MGAT4A: variants seen among roughly 807,000 people sequenced by gnomAD.
The protein encoded by MGAT4A is alpha-1,3-mannosyl-glycoprotein 4-beta-N-acetylglucosaminyltransferase A, also known as N-acetylglucosaminyltransferase IVa.
MGAT4A carries 33 observed loss-of-function variants against 74.1 expected under a neutral mutation model. The ratio of observed to expected loss-of-function variants is 0.45; its 90% CI spans 0.34 to 0.60. The LOEUF is 0.60. Ranked by LOEUF, MGAT4A falls within the 20% of genes least tolerant of loss-of-function variation. The probability of loss-of-function intolerance (pLI) is 0.02; values close to 1 mark genes in which losing one functional copy is unlikely to be tolerated. For synonymous variants in MGAT4A, 198 were observed against 210.4 expected (o/e 0.94, Z 0.51); for missense variants, 479 against 628.3 (o/e 0.76, Z 2.54).
At chr2:98,704,311 C>T (rs1385889855) in intron 2 of MGAT4A, among the ~76,000 whole-genome samples, 4 of 152,194 alleles carry the variant, frequency 2.6e-5, no homozygotes, top group African/African-American at 9.7e-5. Context: ...CTTTGGGAGG[C>T]CAAGGCAGGT....
At chr2:98,707,331 T>C (rs1186204208) in intron 2 of MGAT4A, among the ~76,000 whole-genome samples, 3 of 152,212 alleles carry the variant, frequency 2.0e-5, no homozygotes, top group African/African-American at 7.2e-5. Flanking sequence ...CATGCAGGCA[T>C]GGCCTCTGCC....
chr2:98,654,850 A>T (rs1305248408), intron 8 of MGAT4A, among the ~76,000 whole-genome samples: 3 of 151,894 alleles, frequency 2.0e-5, no homozygotes, highest in Admixed American at 6.6e-5. Context: ...AAATAGTCTT[A>T]AAAAAAAGGG....
Position 98,619,611 on chromosome 2 carries a change from C to G in MGAT4A, c.*5955G>C, listed in dbSNP as rs900684924. The G allele has an allele frequency of 3.3e-5, 5 of 152,346 alleles. No individual in the cohort carries two copies. Among genetic ancestry groups the G allele is most frequent in the African/African-American group, 1.2e-4 (5 of 41,584 alleles). The allele number at this position is 152,346 out of a possible 1,614,324, so 9.4% of individuals were successfully genotyped here. Reference sequence around the variant, plus strand: ...AAATGAAAAGTATCAAATCTACTGGCAGTGCATCTTACAGTACTGTCGATA... The same window carrying G: ...AAATGAAAAGTATCAAATCTACTGGGAGTGCATCTTACAGTACTGTCGATA... On this transcript the variant is annotated 3_prime_UTR_variant, in exon 16 of 16. Coordinates refer to ENST00000393487, the MANE Select transcript of MGAT4A (RefSeq NM_012214.3).
intron 4 of MGAT4A, among the ~76,000 whole-genome samples, chr2:98,672,341 G>C (rs532959949): frequency 2.1e-4 from 32 of 152,180 alleles, no homozygotes; most frequent in Non-Finnish European, 4.1e-4. Context: ...AGCTCCACAA[G>C]ACTCGGAACC....
At position 98,643,907 on chromosome 2, in the gene MGAT4A, T is replaced by C. The variant is rs771437137; in HGVS notation, c.1020+16A>G. 1 of 1,506,244 alleles carries C rather than the reference T, an allele frequency of 6.6e-7. No individual in the cohort carries two copies. Among genetic ancestry groups the C allele is most frequent in the South Asian group, 1.3e-5 (1 of 74,210 alleles). 93.3% of individuals were successfully genotyped at this position (1,506,244 alleles called of 1,614,324 possible). On this transcript the variant is annotated intron_variant, in intron 10 of 15. Transcript: ENST00000393487. ...AGAAGTGAAACTCCCTCCACTCTGG[T>C]GAGGAATTAACTTACTGCATCTTTT...
chr2:98,664,501 G>A lies in MGAT4A; in HGVS notation c.404-1322C>T, dbSNP rs549596335. Reference sequence around the variant, plus strand: ...TAGAAATACTGCATACAAAATGCACGCACCTCAAAATACCTACCAGCTGTC... The same window carrying A: ...TAGAAATACTGCATACAAAATGCACACACCTCAAAATACCTACCAGCTGTC... On this transcript the variant is annotated intron_variant, in intron 4 of 15. Coordinates refer to ENST00000393487, the MANE Select transcript of MGAT4A (RefSeq NM_012214.3). Among the ~76,000 whole-genome samples, 10 of 152,172 alleles carry A rather than the reference G, an allele frequency of 6.6e-5. No homozygotes were observed. In the East Asian group the frequency reaches 1.5e-3, roughly 24 times the overall value.
At chr2:98,660,293 A>G (rs868432643) in intron 5 of MGAT4A, among the ~76,000 whole-genome samples, 22 of 152,030 alleles carry the variant, frequency 1.4e-4, no homozygotes, top group Non-Finnish European at 2.9e-4. Flanking sequence ...AAATGTCCAT[A>G]TTACCCAAAG....
chr2:98,694,986 G>A (rs1702248574), intron 2 of MGAT4A: 1 of 151,530 alleles, frequency 6.6e-6, no homozygotes, highest in Non-Finnish European at 1.5e-5. Context: ...ATTTTACTGT[G>A]AGATCCTTAA....
Position 98,622,495 on chromosome 2 carries a change from T to G in MGAT4A, c.*3071A>C. The G allele has an allele frequency of 2.0e-6, 2 of 985,512 alleles. No homozygotes were observed. Among genetic ancestry groups the G allele is most frequent in the Non-Finnish European group, 2.4e-6 (2 of 829,950 alleles). The allele number at this position is 985,512 out of a possible 1,614,324, so 61.0% of individuals were successfully genotyped here. ...TCCATTTACTATTTTGGTAAAATGA[T>G]TCGGCGCCCTCTCAAGGCAAAGTAT... On this transcript the variant is annotated 3_prime_UTR_variant, in exon 16 of 16. Transcript: ENST00000393487.
At position 98,643,911 on chromosome 2, in the gene MGAT4A, G is replaced by A. The variant is rs1318316714; in HGVS notation, c.1020+12C>T. The A allele has an allele frequency of 2.0e-6, 3 of 1,527,324 alleles. No individual in the cohort carries two copies. The highest frequency in any genetic ancestry group is 1.4e-5 in the African/African-American group (1 of 72,818). The allele number at this position is 1,527,324 out of a possible 1,614,324, so 94.6% of individuals were successfully genotyped here. On this transcript the variant is annotated intron_variant, in intron 10 of 15. Coordinates refer to ENST00000393487, the MANE Select transcript of MGAT4A (RefSeq NM_012214.3). ...GTGAAACTCCCTCCACTCTGGTGAG[G>A]AATTAACTTACTGCATCTTTTTCAG...
intron 2 of MGAT4A, among the ~76,000 whole-genome samples, chr2:98,689,852 A>G (rs1702171854): frequency 6.6e-6 from 1 of 151,924 alleles, no homozygotes; most frequent in Non-Finnish European, 1.5e-5. Flanking sequence ...AAAAAATAAG[A>G]AGACTTTGAA....
intron 2 of MGAT4A, among the ~76,000 whole-genome samples, chr2:98,696,035 C>G (rs779732799): frequency 9.2e-5 from 14 of 151,976 alleles, no homozygotes; most frequent in Non-Finnish European, 1.9e-4. Context: ...GCATGCACCA[C>G]CATGCCTGCC....
rs1206270683 is a variant in MGAT4A at position 98,731,096 on chromosome 2, AGCCGCCGCCGCC to A, written c.-296_-285del. On this transcript the variant is annotated 5_prime_UTR_variant, in exon 1 of 16. Coordinates refer to ENST00000393487, the MANE Select transcript of MGAT4A (RefSeq NM_012214.3). The surrounding 1 kb of genome is among the most constrained non-coding windows in gnomAD (Gnocchi z 4.8). The stretch of plus-strand genomic sequence containing the variant: ...CCGCGGCTGCCGGCGGAGCTGCTGT[AGCCGCCGCCGCC>A]GCTGCCGCCGCCGCTGCGGGCCGCC... 1 of 114,834 alleles carries A rather than the reference AGCCGCCGCCGCC, an allele frequency of 8.7e-6. No individual in the cohort carries two copies. The highest frequency in any genetic ancestry group is 1.7e-5 in the Non-Finnish European group (1 of 58,404). 7.1% of individuals were successfully genotyped at this position (114,834 alleles called of 1,614,324 possible).
At chr2:98,691,584 C>A (rs1702195176) in intron 2 of MGAT4A, among the ~76,000 whole-genome samples, 1 of 152,244 alleles carries the variant, frequency 6.6e-6, no homozygotes, top group Non-Finnish European at 1.5e-5. Context: ...AGTCATGTAA[C>A]AGTCTAGCAC....
chr2:98,692,427 G>T (rs1487522944), intron 2 of MGAT4A, among the ~76,000 whole-genome samples: 2 of 151,994 alleles, frequency 1.3e-5, no homozygotes, highest in Non-Finnish European at 2.9e-5. Flanking sequence ...TTTGAAGAAA[G>T]AATAATATTT....
intron 8 of MGAT4A, among the ~76,000 whole-genome samples, chr2:98,647,861 G>A (rs182234026): frequency 1.3e-5 from 2 of 152,314 alleles, no homozygotes; most frequent in Admixed American, 1.3e-4. Context: ...ACTGCCTTTT[G>A]GAAAGCATTC....
chr2:98,638,617 ATGAACT>A (rs1257319441), intron 12 of MGAT4A, among the ~76,000 whole-genome samples: 2 of 152,256 alleles, frequency 1.3e-5, no homozygotes, highest in Non-Finnish European at 2.9e-5. Flanking sequence ...TAGTATAAAA[ATGAACT>A]TTAACAGCAA....
chr2:98,695,881 T>C (rs939979471), intron 2 of MGAT4A, among the ~76,000 whole-genome samples: 2 of 145,700 alleles, frequency 1.4e-5, no homozygotes, highest in African/African-American at 2.5e-5. Flanking sequence ...AGAACTTCTT[T>C]TTTTTTTTTT....
At chr2:98,649,473 T>G (rs901825285) in intron 8 of MGAT4A, among the ~76,000 whole-genome samples, 2 of 152,166 alleles carry the variant, frequency 1.3e-5, no homozygotes, top group Admixed American at 1.3e-4. Context: ...CCAGTGTTTT[T>G]GACTTTTTCG....
Sources: allele counts gnomAD v4.1 joint callset (sites outside exome capture counted in the v4.1 genomes callset), GRCh38; gene constraint gnomAD v4.1.1; non-coding constraint Gnocchi (gnomAD v3.1); transcripts MANE v1.5; gene names NCBI Gene and HGNC (gene_info 2026-07-23, HGNC 2026-07-21).